PSD3: variants seen among roughly 807,000 people sequenced by gnomAD.
The protein encoded by PSD3 is PH and SEC7 domain-containing protein 3.
A neutral mutation model predicts 105.5 loss-of-function variants in PSD3; 49 were observed. The observed-to-expected ratio is 0.46, with a 90% CI of 0.37 to 0.59. The LOEUF is 0.59. PSD3 is among the 20% of genes least tolerant of loss of function. PSD3 has a pLI of 0.00. For missense variants in PSD3, 1,561 were observed against 1,263.8 expected (o/e 1.24, Z -3.57); for synonymous variants, 557 against 457.8 (o/e 1.22, Z -2.77).
chr8:18,982,839 G>A (rs950812000), intron 1 of PSD3, among the ~76,000 whole-genome samples: 3 of 152,084 alleles, frequency 2.0e-5, no homozygotes, highest in Non-Finnish European at 4.4e-5. Context: ...TAATTCTGAA[G>A]GGCCCTAGGA....
intron 10 of PSD3, among the ~76,000 whole-genome samples, chr8:18,650,273 C>A (rs1222530964): frequency 6.6e-6 from 1 of 152,184 alleles, no homozygotes; most frequent in East Asian, 1.9e-4. Flanking sequence ...CTCAACTCAC[C>A]TCATCCTACG....
At chr8:18,660,614 G>A (rs1192130867) in intron 9 of PSD3, among the ~76,000 whole-genome samples, 3 of 152,124 alleles carry the variant, frequency 2.0e-5, no homozygotes, top group Admixed American at 1.3e-4. Context: ...AAAATCAACC[G>A]AGGAATTTTT....
intron 4 of PSD3, among the ~76,000 whole-genome samples, chr8:18,808,438 C>T (rs533096772): frequency 5.6e-4 from 85 of 152,252 alleles, no homozygotes; most frequent in Middle Eastern, 3.4e-3. Context: ...ATTTATTACC[C>T]AAAATCATTC....
intron 4 of PSD3, among the ~76,000 whole-genome samples, chr8:18,862,440 T>C (rs970215397): frequency 1.3e-5 from 2 of 150,600 alleles, no homozygotes; most frequent in African/African-American, 2.4e-5. Flanking sequence ...AAGAGAAAAA[T>C]GAGAACCTCT....
In PSD3 at chr8:18,544,533, T is replaced by C. The variant is rs564357439; in HGVS notation, c.2929-8575A>G. ...TAACCACACATTTTTATTTATATAG[T>C]TCGTGTTCGTGGCTTTCTGGGAAAT... On this transcript the variant is annotated intron_variant, in intron 15 of 15. Transcript: ENST00000327040. Among the ~76,000 whole-genome samples the C allele has an allele frequency of 3.1e-4, 47 of 152,278 alleles. No individual in the cohort carries two copies. In the East Asian group the frequency reaches 6.7e-3, roughly 22 times the overall value.
intron 10 of PSD3, among the ~76,000 whole-genome samples, chr8:18,655,300 G>A (rs1808807966): frequency 6.9e-6 from 1 of 143,912 alleles, no homozygotes; most frequent in South Asian, 2.2e-4. Flanking sequence ...CTGCACTCCA[G>A]CCTGGGCGAC....
chr8:18,965,804 T>C (rs922189436), intron 1 of PSD3, among the ~76,000 whole-genome samples: 4 of 152,210 alleles, frequency 2.6e-5, no homozygotes, highest in African/African-American at 9.6e-5. Context: ...TGAAGCTTAA[T>C]ACAGAATTGT....
intron 12 of PSD3, among the ~76,000 whole-genome samples, chr8:18,577,951 T>C (rs1034072400): frequency 6.6e-6 from 1 of 152,208 alleles, no homozygotes; most frequent in Admixed American, 6.5e-5. Flanking sequence ...AGGTAGGTGG[T>C]ATACTGTTTT....
chr8:19,005,902 T>C (rs1826655182), intron 1 of PSD3, among the ~76,000 whole-genome samples: 1 of 151,910 alleles, frequency 6.6e-6, no homozygotes, highest in Admixed American at 6.6e-5. Context: ...GTGAATCGTA[T>C]AGTATGTGAA....
At chr8:18,941,910 T>A (rs892989497) in intron 1 of PSD3, among the ~76,000 whole-genome samples, 2 of 152,038 alleles carry the variant, frequency 1.3e-5, no homozygotes, top group Non-Finnish European at 2.9e-5. Flanking sequence ...TGACCTCAGG[T>A]GATCCGCCCG....
At chr8:18,908,618 A>G (rs1161927299) in intron 2 of PSD3, among the ~76,000 whole-genome samples, 1 of 152,184 alleles carries the variant, frequency 6.6e-6, no homozygotes, top group Non-Finnish European at 1.5e-5. Flanking sequence ...TCCTTATGAA[A>G]GCACGTCTGT....
intron 8 of PSD3, among the ~76,000 whole-genome samples, chr8:18,782,909 T>A (rs1454359747): frequency 6.6e-6 from 1 of 152,176 alleles, no homozygotes; most frequent in African/African-American, 2.4e-5. Context: ...ATATAATCCT[T>A]TTTATATTTT....
At chr8:18,739,213 A>G (rs1804378034) in intron 9 of PSD3, among the ~76,000 whole-genome samples, 2 of 152,214 alleles carry the variant, frequency 1.3e-5, no homozygotes, top group South Asian at 4.1e-4. Context: ...CCCAGTTATA[A>G]TCAGTAACAA....
intron 10 of PSD3, among the ~76,000 whole-genome samples, chr8:18,633,454 T>A (rs1421652681): frequency 3.3e-5 from 5 of 152,122 alleles, no homozygotes; most frequent in Admixed American, 2.0e-4. Flanking sequence ...TGTTCCCATC[T>A]TTATGTCCAT....
chr8:18,989,105 T>G (rs17127583), intron 1 of PSD3, among the ~76,000 whole-genome samples: 6,937 of 152,190 alleles, frequency 0.046, 547 homozygotes, highest in African/African-American at 0.16. Context: ...AAGAAATAAA[T>G]AGCATGCCAG....
intron 12 of PSD3, among the ~76,000 whole-genome samples, chr8:18,578,852 T>C (rs1802625671): frequency 6.6e-6 from 1 of 152,020 alleles, no homozygotes; most frequent in Non-Finnish European, 1.5e-5. Flanking sequence ...CAAGGTAGTT[T>C]CCTAAACTCT....
chr8:18,605,153 A>G (rs1804725114), intron 11 of PSD3, among the ~76,000 whole-genome samples: 1 of 152,140 alleles, frequency 6.6e-6, no homozygotes, highest in African/African-American at 2.4e-5. Context: ...TGCACCATAT[A>G]TGCCTGGAAA....
At chr8:18,904,017 C>A (rs1819679897) in intron 2 of PSD3, among the ~76,000 whole-genome samples, 1 of 152,118 alleles carries the variant, frequency 6.6e-6, no homozygotes, top group African/African-American at 2.4e-5. Context: ...ACACCCGAAA[C>A]TGAGTAATTT....
chr8:18,875,780 G>A lies in PSD3; in HGVS notation c.131-3047C>T, dbSNP rs970993719. Among the ~76,000 whole-genome samples, 12 of 152,106 alleles carry A rather than the reference G, an allele frequency of 7.9e-5. 1 individual carries two copies. Among genetic ancestry groups the A allele is most frequent in the Middle Eastern group, 6.8e-3 (2 of 294 alleles). Reference sequence around the variant, plus strand: ...TCTCGATCTCCTGACCTTGTGATCCGCCCGCCTAGGCCTCCCAAAGTGCTG... The same window carrying A: ...TCTCGATCTCCTGACCTTGTGATCCACCCGCCTAGGCCTCCCAAAGTGCTG... On this transcript the variant is annotated intron_variant, in intron 2 of 15. Coordinates refer to ENST00000327040, the MANE Select transcript of PSD3 (RefSeq NM_015310.4).
Sources: gnomAD v4.1 joint callset for allele counts (sites outside exome capture counted in the v4.1 genomes callset) on GRCh38, gnomAD v4.1.1 for gene constraint, MANE v1.5 for transcripts, NCBI Gene and HGNC (gene_info 2026-07-23, HGNC 2026-07-21) for gene names.